PAFAH1B1: variants seen among roughly 807,000 people sequenced by gnomAD.
The protein encoded by PAFAH1B1 is platelet-activating factor acetylhydrolase IB subunit beta.
In PAFAH1B1, 2 loss-of-function variants were observed where a neutral mutation model predicts 57.5. The observed-to-expected ratio is 0.03, with a 90% CI of 0.01 to 0.11. The LOEUF (loss-of-function observed/expected upper bound fraction) is 0.11, where lower values mean the gene tolerates loss of function less well. Ranked by LOEUF, PAFAH1B1 falls within the 10% of genes least tolerant of loss-of-function variation. The pLI is 1.00. For synonymous variants in PAFAH1B1, 152 were observed against 169.6 expected (o/e 0.90, Z 0.81); for missense variants, 257 against 512.0 (o/e 0.50, Z 4.81).
At chr17:2,653,999 A>G (rs1405702411) in intron 2 of PAFAH1B1, among the ~76,000 whole-genome samples, 1 of 150,916 alleles carries the variant, frequency 6.6e-6, no homozygotes, top group Non-Finnish European at 1.5e-5. Context: ...TAGTAGGAAC[A>G]GGTTTCACCA....
chr17:2,619,555 T>C (rs899888528), intron 1 of PAFAH1B1, among the ~76,000 whole-genome samples: 4 of 151,028 alleles, frequency 2.6e-5, no homozygotes, highest in Admixed American at 6.6e-5. Context: ...TTGTTTTTTT[T>C]CCTCTCAGGA....
intron 2 of PAFAH1B1, among the ~76,000 whole-genome samples, chr17:2,645,990 GATAACAAAA>G (rs2068763256): frequency 1.3e-5 from 2 of 152,016 alleles, no homozygotes; most frequent in Non-Finnish European, 2.9e-5. Flanking sequence ...TGAGGGTACT[GATAACAAAA>G]ACCTATCAGA....
intron 1 of PAFAH1B1, chr17:2,614,013 T>C: frequency 6.7e-6 from 1 of 148,814 alleles, no homozygotes; most frequent in South Asian, 1.8e-4. Context: ...ATATTGTTTA[T>C]ATATTGGGTT....
At chr17:2,613,390 G>T in intron 1 of PAFAH1B1, 1 of 241,778 alleles carries the variant, frequency 4.1e-6, no homozygotes, top group East Asian at 8.7e-5. Context: ...CATAGGGGGA[G>T]GTGGCTGTCA....
chr17:2,597,399 G>A (rs13343274), intron 1 of PAFAH1B1, among the ~76,000 whole-genome samples: 1 of 138,292 alleles, frequency 7.2e-6, no homozygotes, highest in Non-Finnish European at 1.5e-5. Flanking sequence ...TAGAACATCC[G>A]TGTCTTTTTT....
chr17:2,601,010 G>A (rs1443252776), intron 1 of PAFAH1B1, among the ~76,000 whole-genome samples: 1 of 152,072 alleles, frequency 6.6e-6, no homozygotes, highest in East Asian at 1.9e-4. Context: ...AGGATTATAG[G>A]CATGAGCTAT....
chr17:2,667,246 A>G (rs762619344), intron 5 of PAFAH1B1, 48 bp downstream of exon 5: 2 of 1,439,666 alleles, frequency 1.4e-6, no homozygotes, highest in Admixed American at 1.7e-5. Context: ...AAGCAGGAGA[A>G]TGGCATGAAC....
intron 1 of PAFAH1B1, among the ~76,000 whole-genome samples, chr17:2,636,955 A>G (rs2068632448): frequency 6.6e-6 from 1 of 152,024 alleles, no homozygotes; most frequent in Admixed American, 6.6e-5. Flanking sequence ...TCCTGGGCTC[A>G]AGTGATCCTC....
chr17:2,677,089 C>A (rs1029682812), intron 9 of PAFAH1B1, among the ~76,000 whole-genome samples: 15 of 151,976 alleles, frequency 9.9e-5, no homozygotes, highest in African/African-American at 3.6e-4. Context: ...GGAGGTGGAG[C>A]TTGCAGTGAG....
chr17:2,658,908 A>T (rs1401676267), intron 2 of PAFAH1B1, among the ~76,000 whole-genome samples: 1 of 152,158 alleles, frequency 6.6e-6, no homozygotes, highest in Non-Finnish European at 1.5e-5. Flanking sequence ...AACTCATCAC[A>T]TCTGTGCTGC....
At chr17:2,637,236 TC>T (rs955704844) in intron 1 of PAFAH1B1, among the ~76,000 whole-genome samples, 2 of 152,180 alleles carry the variant, frequency 1.3e-5, no homozygotes, top group South Asian at 2.1e-4. Flanking sequence ...AATTGCCTCT[TC>T]CAATCAAATT....
rs2069420619 is a variant in PAFAH1B1, at chr17:2,683,656, C to T, written c.*1854C>T. ...TGGCTATTTTTGAGGACAAAAATTA[C>T]ATCTTAAGCTAATTCCTTAAATACA... On this transcript the variant is annotated 3_prime_UTR_variant, in exon 11 of 11. Coordinates refer to ENST00000397195, the MANE Select transcript of PAFAH1B1 (RefSeq NM_000430.4). 6.6e-6 allele frequency: 1 copy of T among 152,580 alleles called. No homozygotes were observed. The highest frequency in any genetic ancestry group is 1.5e-5 in the Non-Finnish European group (1 of 68,038). 9.5% of individuals were successfully genotyped at this position (152,580 alleles called of 1,614,324 possible). A position where few individuals can be genotyped will look rare whatever the true frequency, so the allele number is the denominator to read the frequency against.
chr17:2,628,549 G>A (rs183243000), intron 1 of PAFAH1B1, among the ~76,000 whole-genome samples: 1 of 151,810 alleles, frequency 6.6e-6, no homozygotes, highest in East Asian at 1.9e-4. Context: ...TTTTTTGGTT[G>A]TTTGGTTGTA....
intron 1 of PAFAH1B1, among the ~76,000 whole-genome samples, chr17:2,626,863 A>G (rs140370005): frequency 1.3e-5 from 2 of 151,894 alleles, no homozygotes; most frequent in Non-Finnish European, 2.9e-5. Context: ...GCAATTTTTT[A>G]TATGTTTGTT....
At chr17:2,671,161 A>G (rs2069174710) in intron 6 of PAFAH1B1, among the ~76,000 whole-genome samples, 1 of 152,054 alleles carries the variant, frequency 6.6e-6, no homozygotes, top group Non-Finnish European at 1.5e-5. Flanking sequence ...GGGGAAGTTT[A>G]TAATTACAGG....
chr17:2,608,079 A>T (rs2068226442), intron 1 of PAFAH1B1, among the ~76,000 whole-genome samples: 1 of 150,486 alleles, frequency 6.6e-6, no homozygotes, highest in African/African-American at 2.4e-5. Context: ...ATGATACCAT[A>T]TTTTCTTTTT....
At position 2,652,176 on chromosome 17, in the gene PAFAH1B1, C is replaced by T. The variant is rs530120161; in HGVS notation, c.33-13196C>T. Among the ~76,000 whole-genome samples, 873 of 152,226 alleles carry T rather than the reference C, an allele frequency of 5.7e-3. 7 individuals are homozygous for T. The highest frequency in any genetic ancestry group is 0.016 in the South Asian group (79 of 4,828). On this transcript the variant is annotated intron_variant, in intron 2 of 10. Coordinates refer to ENST00000397195, the MANE Select transcript of PAFAH1B1 (RefSeq NM_000430.4). Reference sequence around the variant, plus strand: ...CCTGTAATCCCACACTTTGGGAGGCCAAGGCGGGCAAATCACGAGGTCAGG... The same window carrying T: ...CCTGTAATCCCACACTTTGGGAGGCTAAGGCGGGCAAATCACGAGGTCAGG...
At chr17:2,674,662 T>C (rs1276927265) in intron 8 of PAFAH1B1, among the ~76,000 whole-genome samples, 3 of 152,212 alleles carry the variant, frequency 2.0e-5, no homozygotes, top group Non-Finnish European at 4.4e-5. Flanking sequence ...AAATTTATGG[T>C]AAAATGCAGT....
chr17:2,679,278 G>A (rs564353806), intron 9 of PAFAH1B1, among the ~76,000 whole-genome samples: 12 of 152,232 alleles, frequency 7.9e-5, no homozygotes, highest in Admixed American at 3.9e-4. Context: ...CTCTGGGCAT[G>A]TCCTTAAAGA....
Sources: allele counts gnomAD v4.1 joint callset (sites outside exome capture counted in the v4.1 genomes callset), GRCh38; gene constraint gnomAD v4.1.1; transcripts MANE v1.5; gene names NCBI Gene and HGNC (gene_info 2026-07-23, HGNC 2026-07-21).